The following MSANTD2 variants were observed in gnomAD, a reference collection of about 807,000 sequenced individuals.
MSANTD2 encodes Myb/SANT DNA binding domain containing 2.
In MSANTD2, 19 loss-of-function variants were observed where a neutral mutation model predicts 52.6. The observed-to-expected ratio is 0.36, with a 90% CI of 0.25 to 0.53. MSANTD2 has a LOEUF of 0.53. Ranked by LOEUF, MSANTD2 falls within the 20% of genes least tolerant of loss-of-function variation. The pLI, the probability that MSANTD2 is intolerant of heterozygous loss-of-function variation, is 0.91. For missense variants in MSANTD2, 558 were observed against 716.3 expected, an observed-to-expected ratio of 0.78 and a Z score of 2.52; for synonymous variants, 291 against 289.7, an observed-to-expected ratio of 1.00 and a Z score of -0.04.
At position 124,800,103 on chromosome 11, in the gene MSANTD2, G is replaced by A. The variant is rs1230583580; in HGVS notation, c.278C>T (p.Ala93Val). Reference protein sequence around the residue: ...SPGGGGGGAAAAAAAACRGMS... With the variant: ...SPGGGGGGAAVAAAAACRGMS... ...GCCCCGGCAGGCGGCGGCGGCGGCT[G>A]CCGCAGCCCCGCCACCGCCGCCACC... The change falls in exon 1 of 4, where the codon GCA becomes GTA. Residue 93 changes from alanine (A) to valine (V), a missense_variant. Physicochemically the swap from Ala to Val is moderately conservative, Grantham distance 64 (BLOSUM62 0). Transcript: ENST00000374979. This position sits in a 1 kb window ranked among gnomAD's most constrained non-coding sequence, Gnocchi z 4.3. 4.1e-6 allele frequency: 6 copies of A among 1,480,074 alleles called. No individual in the cohort carries two copies. Among genetic ancestry groups the A allele is most frequent in the Non-Finnish European group, 5.3e-6 (6 of 1,125,414 alleles). 91.7% of individuals were successfully genotyped at this position (1,480,074 alleles called of 1,614,324 possible).
intron 1 of MSANTD2, among the ~76,000 whole-genome samples, chr11:124,794,864 T>C (rs1007780721): frequency 2.6e-5 from 4 of 152,080 alleles, no homozygotes; most frequent in Non-Finnish European, 5.9e-5. Flanking sequence ...GGCAGAAGAC[T>C]CTTTTATCTT....
At chr11:124,796,956 T>C (rs894284306) in intron 1 of MSANTD2, among the ~76,000 whole-genome samples, 3 of 152,244 alleles carry the variant, frequency 2.0e-5, no homozygotes, top group African/African-American at 7.2e-5. Flanking sequence ...TTTATTTTCA[T>C]AAGCATAATC....
chr11:124,794,190 A>AT (rs1395051580), intron 1 of MSANTD2, among the ~76,000 whole-genome samples: 2 of 152,150 alleles, frequency 1.3e-5, no homozygotes, highest in Non-Finnish European at 2.9e-5. Context: ...TTTCTAAATT[A>AT]TTTTTTCCTT....
intron 1 of MSANTD2, chr11:124,791,504 G>T: frequency 9.0e-7 from 1 of 1,105,494 alleles, no homozygotes; most frequent in Non-Finnish European, 1.3e-6. Flanking sequence ...CTGAGGGCAA[G>T]AGTTGGAGAA....
intron 1 of MSANTD2, among the ~76,000 whole-genome samples, chr11:124,796,770 CTTCTA>C (rs1945508852): frequency 1.3e-5 from 2 of 152,164 alleles, no homozygotes; most frequent in African/African-American, 2.4e-5. Flanking sequence ...TACTACTTTG[CTTCTA>C]TTTTGTAAAA....
rs1163947964 is a variant in MSANTD2 at position 124,781,114 on chromosome 11, T to TG, written c.511-6141dup. Among the ~76,000 whole-genome samples the TG allele has an allele frequency of 4.2e-5, 6 of 143,026 alleles. No homozygotes were observed. The East Asian group carries it at 1.2e-3, about 29-fold the overall frequency. 93.8% of individuals were successfully genotyped at this position (143,026 alleles called of 152,430 possible). The stretch of plus-strand genomic sequence containing the variant: ...AGGAGAATCACTTGAACCTGAGAGG[T>TG]GGAGGTTGCAGTGAGCCAAGATCGT... On this transcript the variant is annotated intron_variant, in intron 1 of 3. Transcript: ENST00000374979.
At chr11:124,788,050 C>G (rs538492286) in intron 1 of MSANTD2, among the ~76,000 whole-genome samples, 1 of 147,010 alleles carries the variant, frequency 6.8e-6, no homozygotes, top group Admixed American at 7.0e-5. Flanking sequence ...CCACCGCACT[C>G]TAGCTTGGGC....
intron 1 of MSANTD2, chr11:124,792,775 A>G (rs1453818155): frequency 6.6e-6 from 1 of 152,222 alleles, no homozygotes; most frequent in Non-Finnish European, 1.5e-5. Flanking sequence ...TGAAAAAAAT[A>G]AAGACCTTAT....
chr11:124,791,495 T>C, intron 1 of MSANTD2: 1 of 1,114,046 alleles, frequency 9.0e-7, no homozygotes, highest in East Asian at 2.4e-5. Context: ...CCTAAATGGC[T>C]GAGGGCAAGA....
chr11:124,775,295 A>G (rs1013650532), intron 1 of MSANTD2: 1 of 194,164 alleles, frequency 5.2e-6, no homozygotes, highest in Non-Finnish European at 1.1e-5. Flanking sequence ...GGGAAAAAAA[A>G]CAAGAAATAC....
chr11:124,787,298 A>G (rs2135260355), intron 1 of MSANTD2, among the ~76,000 whole-genome samples: 1 of 152,342 alleles, frequency 6.6e-6, no homozygotes, highest in African/African-American at 2.4e-5. Context: ...TACCCTAGCA[A>G]TCAGTGTCAG....
intron 1 of MSANTD2, among the ~76,000 whole-genome samples, chr11:124,781,978 G>C (rs1481669844): frequency 6.6e-6 from 1 of 152,096 alleles, no homozygotes; most frequent in Non-Finnish European, 1.5e-5. Context: ...ACTGAATGAA[G>C]CTCAAACTTT....
At chr11:124,787,704 A>G (rs926384190) in intron 1 of MSANTD2, among the ~76,000 whole-genome samples, 5 of 152,236 alleles carry the variant, frequency 3.3e-5, no homozygotes, top group African/African-American at 7.2e-5. Context: ...AGGAGTACCT[A>G]TGAAAATAAA....
rs368794770 is a variant in MSANTD2, at chr11:124,774,670, G to T, written c.766+49C>A. 198 of 1,566,488 alleles carry T rather than the reference G, an allele frequency of 1.3e-4. No homozygotes were observed. Among genetic ancestry groups the T allele is most frequent in the Non-Finnish European group, 1.6e-4 (185 of 1,144,440 alleles). ...TAAGTACTGGTGCACATACATAAAG[G>T]TATATAAATATACACAAACATAAGT... is the stretch of plus-strand genomic sequence containing the variant. On this transcript the variant is annotated intron_variant, in intron 2 of 3. Coordinates refer to ENST00000374979, the MANE Select transcript of MSANTD2 (RefSeq NM_001308027.2). This position sits in a 1 kb window ranked among gnomAD's most constrained non-coding sequence, Gnocchi z 5.1.
At chr11:124,773,232 T>C (rs1944606179) in intron 2 of MSANTD2, 178 bp from the exon 3 acceptor site, 2 of 475,432 alleles carry the variant, frequency 4.2e-6, no homozygotes, top group Non-Finnish European at 7.4e-6. Flanking sequence ...ATGAGATGCA[T>C]ACATTTATAT....
At chr11:124,784,481 A>AC (rs1945092427) in intron 1 of MSANTD2, 1 of 854,210 alleles carries the variant, frequency 1.2e-6, no homozygotes, top group Non-Finnish European at 1.3e-6. Flanking sequence ...CTAAAAATTA[A>AC]ACCCCCCCCC....
chr11:124,798,361 C>G (rs1945565262), intron 1 of MSANTD2, among the ~76,000 whole-genome samples: 1 of 151,416 alleles, frequency 6.6e-6, no homozygotes, highest in Non-Finnish European at 1.5e-5. Context: ...GAGGGAGATC[C>G]TCTCTCTAAA....
At position 124,800,173 on chromosome 11, in the gene MSANTD2, G is replaced by T; in HGVS notation, c.208C>A (p.Leu70Met). 1 of 1,470,696 alleles carries T rather than the reference G, an allele frequency of 6.8e-7. No individual in the cohort carries two copies. The highest frequency in any genetic ancestry group is 9.0e-7 in the Non-Finnish European group (1 of 1,116,618). The allele number at this position is 1,470,696 out of a possible 1,614,324, so 91.1% of individuals were successfully genotyped here. The change falls in exon 1 of 4, where the codon CTG becomes ATG. Residue 70 changes from leucine to methionine, a missense_variant. Around this residue, in one of 2 missense-constraint regions of MSANTD2, gnomAD observed 150 missense variants for 142.7 expected, o/e 1.05. Coordinates refer to ENST00000374979, the MANE Select transcript of MSANTD2 (RefSeq NM_001308027.2). The surrounding 1 kb of genome is among the most constrained non-coding windows in gnomAD (Gnocchi z 4.3). ...GACGAGGCGGCGCTGCGGCCCCCCA[G>T]CCCCAGCCCGAGACCCCCGGACGCC... Reference protein sequence around the residue: ...AAASGGLGLGLGGRSAASSSV... With the variant: ...AAASGGLGLGMGGRSAASSSV...
chr11:124,799,111 C>T (rs988861421), intron 1 of MSANTD2, among the ~76,000 whole-genome samples: 4 of 152,174 alleles, frequency 2.6e-5, no homozygotes, highest in African/African-American at 7.2e-5. Flanking sequence ...ACATCCGGCA[C>T]AGAAACTGAA....
Sources: allele counts gnomAD v4.1 joint callset (sites outside exome capture counted in the v4.1 genomes callset), GRCh38; gene constraint gnomAD v4.1.1; regional missense constraint gnomAD v4.1.1; non-coding constraint Gnocchi (gnomAD v3.1); transcripts MANE v1.5; gene names NCBI Gene and HGNC (gene_info 2026-07-23, HGNC 2026-07-21).